Variants in CCDC180 observed in about 807,000 individuals in gnomAD.
CCDC180 encodes the protein coiled-coil domain-containing protein 180.
In CCDC180, 154 loss-of-function variants were observed where a neutral mutation model predicts 209.2. The ratio of observed to expected loss-of-function variants is 0.74; its 90% CI spans 0.65 to 0.84. CCDC180 has a LOEUF of 0.84. Among genes scored for constraint, CCDC180 ranks in the 40% least tolerant of loss-of-function variants. The pLI is 0.00. For synonymous variants in CCDC180, 778 were observed against 749.1 expected (o/e 1.04, Z -0.63); for missense variants, 1,874 against 1,997.3 (o/e 0.94, Z 1.18).
At chr9:97,358,379 C>T (rs1399508746) in intron 25 of CCDC180, among the ~76,000 whole-genome samples, 2 of 152,160 alleles carry the variant, frequency 1.3e-5, no homozygotes, top group African/African-American at 4.8e-5. Flanking sequence ...ACATCAGCCT[C>T]CCAAAGTGCT....
At chr9:97,320,265 T>C in intron 11 of CCDC180, 60 bp downstream of exon 11, 1 of 1,482,604 alleles carries the variant, frequency 6.7e-7, no homozygotes, top group Non-Finnish European at 9.4e-7. Flanking sequence ...GCAGTTGCTT[T>C]GCTGAAGCTC....
At chr9:97,327,998 G>A in intron 15 of CCDC180, 22 bp from the exon 16 acceptor site, 1 of 1,608,394 alleles carries the variant, frequency 6.2e-7, no homozygotes, top group Middle Eastern at 1.7e-4. Context: ...GGGGTCTCCT[G>A]TCTTACCTAC....
chr9:97,360,105 A>C lies in CCDC180; in HGVS notation c.3483+4A>C, dbSNP rs749962911. The C allele has an allele frequency of 6.2e-6, 10 of 1,613,552 alleles. No individual in the cohort carries two copies. In the South Asian group the frequency reaches 1.1e-4, roughly 18 times the overall value. ...CATGACTGAACTGGTCTTTACCGTA[A>C]GGAATGGGATAGGGTGGCAGGAAAG... On this transcript the variant is annotated splice_donor_region_variant and intron_variant, in intron 26 of 36. Coordinates refer to ENST00000529487, the MANE Select transcript of CCDC180 (RefSeq NM_020893.6).
intron 17 of CCDC180, 48 bp downstream of exon 17, chr9:97,330,241 C>G (rs373604535): frequency 1.1e-5 from 18 of 1,610,658 alleles, no homozygotes; most frequent in East Asian, 2.2e-5. Flanking sequence ...TTCACTCTTA[C>G]GCGTTTGTGG....
Position 97,370,670 on chromosome 9 carries a change from T to TGTA in CCDC180, c.4380_4381insGTA (p.Asn1460_Leu1461insVal). The TGTA allele has an allele frequency of 6.2e-7, 1 of 1,614,060 alleles. No individual in the cohort carries two copies. The highest frequency in any genetic ancestry group is 2.2e-5 in the East Asian group (1 of 44,878). The stretch of plus-strand genomic sequence containing the variant: ...AAAATGCCCAGAAGCTCCATCTAAA[T>TGTA]CTTGGACACCCCGTACATTTCCAAG... On this transcript the variant is annotated inframe_insertion, in exon 33 of 37. Transcript: ENST00000529487.
chr9:97,350,436 C>T lies in CCDC180; in HGVS notation c.2883C>T (p.His961=), dbSNP rs908878199. 3.3e-6 allele frequency: 5 copies of T among 1,535,762 alleles called. No homozygotes were observed. Among genetic ancestry groups the T allele is most frequent in the Non-Finnish European group, 4.4e-6 (5 of 1,146,968 alleles). The change falls in exon 22 of 37, where the codon CAC becomes CAT. Residue 961 remains histidine (H), a synonymous_variant. Coordinates refer to ENST00000529487, the MANE Select transcript of CCDC180 (RefSeq NM_020893.6). ...QKLVTLSNTL[H]QELLSYVDVT... ...TGGTCACTCTCAGCAACACACTGCA[C>T]CAGGAGTTGCTTAGCTATGTTGATG... is the stretch of plus-strand genomic sequence containing the variant.
At chr9:97,375,902 C>T (rs147086254) in intron 36 of CCDC180, 9 of 340,426 alleles carry the variant, frequency 2.6e-5, no homozygotes, top group South Asian at 1.2e-4. Flanking sequence ...TCACCAGGCA[C>T]GGAAGCAATG....
chr9:97,367,873 C>T (rs1173621068), intron 31 of CCDC180, among the ~76,000 whole-genome samples: 1 of 152,088 alleles, frequency 6.6e-6, no homozygotes, highest in Non-Finnish European at 1.5e-5. Context: ...TTGGCATGTA[C>T]AGGGAATTAA....
At chr9:97,332,542 G>A (rs554694285) in intron 18 of CCDC180, among the ~76,000 whole-genome samples, 10 of 152,124 alleles carry the variant, frequency 6.6e-5, no homozygotes, top group African/African-American at 2.4e-4. Context: ...GGTCATCTCT[G>A]ATTTCTTTGA....
rs574512049 is a variant in CCDC180, at chr9:97,339,672, T to G, written c.2275-3668T>G. ...CTTCTCAAGGAGTATCTTTGTGGTG[T>G]TCTCTGTATTTCCTGAATTTGAATG... is the stretch of plus-strand genomic sequence containing the variant. On this transcript the variant is annotated intron_variant, in intron 18 of 36. Transcript: ENST00000529487. 8.0e-4 allele frequency among the ~76,000 whole-genome samples: 122 copies of G among 152,288 alleles called. 4 individuals are homozygous for G. In the South Asian group the frequency reaches 0.024, roughly 31 times the overall value.
At chr9:97,348,412 A>G (rs1826334748) in intron 20 of CCDC180, among the ~76,000 whole-genome samples, 1 of 152,184 alleles carries the variant, frequency 6.6e-6, no homozygotes. Context: ...ATGTGCACTG[A>G]GTAAAAGCTC....
chr9:97,319,390 A>G (rs888061133), intron 10 of CCDC180, among the ~76,000 whole-genome samples: 1 of 152,142 alleles, frequency 6.6e-6, no homozygotes, highest in African/African-American at 2.4e-5. Context: ...ATATAGGTAA[A>G]TCACGTGTTG....
intron 5 of CCDC180, among the ~76,000 whole-genome samples, chr9:97,313,810 G>T (rs1196029689): frequency 1.3e-5 from 2 of 152,178 alleles, no homozygotes; most frequent in African/African-American, 4.8e-5. Flanking sequence ...ACACACACTG[G>T]TGTCTGGAAT....
At chr9:97,318,732 T>G in intron 10 of CCDC180, 150 bp downstream of exon 10, 1 of 1,047,882 alleles carries the variant, frequency 9.5e-7, no homozygotes, top group Non-Finnish European at 1.3e-6. Flanking sequence ...CCTGGACCAT[T>G]TCAGCCCCAC....
In CCDC180 at chr9:97,342,148, C is replaced by T. The variant is rs112287679; in HGVS notation, c.2275-1192C>T. Among the ~76,000 whole-genome samples the T allele has an allele frequency of 8.6e-3, 1,314 of 152,358 alleles. 13 individuals are homozygous for T. The highest frequency in any genetic ancestry group is 0.029 in the African/African-American group (1,226 of 41,586). ...GCGCTTCCCGGGTGAGGCGATGCCCCGCCCTTCTTCGGCTCACCCTCCGTG... is the reference window on the plus strand; with the variant it reads ...GCGCTTCCCGGGTGAGGCGATGCCCTGCCCTTCTTCGGCTCACCCTCCGTG... On this transcript the variant is annotated intron_variant, in intron 18 of 36. Transcript: ENST00000529487.
rs752793099 is a variant in CCDC180, at chr9:97,362,279, G to A, written c.3740G>A (p.Arg1247Gln). 5.6e-6 allele frequency: 9 copies of A among 1,614,014 alleles called. No individual in the cohort carries two copies. The highest frequency in any genetic ancestry group is 1.3e-5 in the African/African-American group (1 of 74,898). Residue 1247 changes from arginine (R) to glutamine (Q), a missense_variant, in exon 28 of 37, where the codon CGG becomes CAG. Coordinates refer to ENST00000529487, the MANE Select transcript of CCDC180 (RefSeq NM_020893.6). ...TGRGAWACGS[R>Q]GSSEAGAGGA... ...AGAGGCGCATGGGCCTGTGGGTCTC[G>A]GGGCAGCAGTGAGGCAGGGGCTGGT... is the stretch of plus-strand genomic sequence containing the variant.
intron 22 of CCDC180, among the ~76,000 whole-genome samples, chr9:97,353,949 T>C (rs886656668): frequency 1.2e-4 from 18 of 151,700 alleles, no homozygotes; most frequent in African/African-American, 3.9e-4. Context: ...CTTCTGGTGC[T>C]GCCCACATTC....
At position 97,309,462 on chromosome 9, in the gene CCDC180, C is replaced by T. The variant is rs751767974; in HGVS notation, c.118C>T (p.Arg40Cys). Residue 40 changes from arginine (R) to cysteine (C), a missense_variant, in exon 3 of 37, where the codon CGT becomes TGT. Coordinates refer to ENST00000529487, the MANE Select transcript of CCDC180 (RefSeq NM_020893.6). Reference sequence around the variant, plus strand: ...GGCCACCAGGAAGCGGGCTGCAGAGCGTTCTGTGACCCTGAAGAGTGGCAG... The same window carrying T: ...GGCCACCAGGAAGCGGGCTGCAGAGTGTTCTGTGACCCTGAAGAGTGGCAG... Reference protein sequence around the residue: ...LAATRKRAAERSVTLKSGRIP... With the variant: ...LAATRKRAAECSVTLKSGRIP... The T allele has an allele frequency of 6.2e-5, 99 of 1,605,096 alleles. No individual in the cohort carries two copies. The highest frequency in any genetic ancestry group is 8.2e-5 in the Non-Finnish European group (97 of 1,176,042).
At chr9:97,362,696 G>A (rs1023772617) in intron 28 of CCDC180, among the ~76,000 whole-genome samples, 2 of 150,460 alleles carry the variant, frequency 1.3e-5, no homozygotes, top group Non-Finnish European at 2.9e-5. Context: ...CTTTCCTGGA[G>A]AGACATCACA....
Sources: gnomAD v4.1 joint callset for allele counts (sites outside exome capture counted in the v4.1 genomes callset) on GRCh38, gnomAD v4.1.1 for gene constraint, MANE v1.5 for transcripts, NCBI Gene and HGNC (gene_info 2026-07-23, HGNC 2026-07-21) for gene names.